MACROD2: variants seen among roughly 807,000 people sequenced by gnomAD.
MACROD2 encodes ADP-ribose glycohydrolase MACROD2.
Under a neutral mutation model 70.4 loss-of-function variants are expected in MACROD2, and 36 were observed. The observed-to-expected ratio is 0.51, with a 90% CI of 0.39 to 0.68. The LOEUF is 0.68. Ranked by LOEUF, MACROD2 falls within the 30% of genes least tolerant of loss-of-function variation. The probability of loss-of-function intolerance (pLI) is 0.00; values close to 1 mark genes in which losing one functional copy is unlikely to be tolerated. For synonymous variants in MACROD2, 172 were observed against 178.8 expected (o/e 0.96, Z 0.30); for missense variants, 496 against 538.4 (o/e 0.92, Z 0.78).
At chr20:15,425,778 T>G (rs1203974139) in intron 6 of MACROD2, among the ~76,000 whole-genome samples, 1 of 152,144 alleles carries the variant, frequency 6.6e-6, no homozygotes, top group Admixed American at 6.5e-5. Context: ...GACTGCTGTG[T>G]AAAAGTGGAT....
chr20:15,028,676 T>A (rs2075251691), intron 5 of MACROD2, among the ~76,000 whole-genome samples: 1 of 152,008 alleles, frequency 6.6e-6, no homozygotes, highest in Non-Finnish European at 1.5e-5. Context: ...CAAGGGAAGG[T>A]CTTACAGAGG....
At chr20:14,717,262 C>T (rs887270193) in intron 5 of MACROD2, among the ~76,000 whole-genome samples, 3 of 152,128 alleles carry the variant, frequency 2.0e-5, no homozygotes, top group African/African-American at 7.2e-5. Flanking sequence ...GCATAATTGA[C>T]AAGTTCGTTT....
chr20:15,643,459 C>G (rs1166721268), intron 8 of MACROD2, among the ~76,000 whole-genome samples: 2 of 152,146 alleles, frequency 1.3e-5, no homozygotes, highest in African/African-American at 2.4e-5. Context: ...CAGCATAACC[C>G]CATTTAATTT....
Position 14,493,582 on chromosome 20 carries a change from T to C in MACROD2, c.301+74T>C, listed in dbSNP as rs945905781. 6 of 1,231,578 alleles carry C rather than the reference T, an allele frequency of 4.9e-6. No homozygotes were observed. In the Admixed American group the frequency reaches 7.4e-5, roughly 15 times the overall value. The allele number at this position is 1,231,578 out of a possible 1,614,324, so 76.3% of individuals were successfully genotyped here. ...CAACTACAAGATATTTAGTAAGTTC[T>C]GTGACACTTAAAAGAAAATTAATTT... On this transcript the variant is annotated intron_variant, in intron 4 of 17. Coordinates refer to ENST00000684519, the MANE Select transcript of MACROD2 (RefSeq NM_001351661.2).
intron 4 of MACROD2, among the ~76,000 whole-genome samples, chr20:14,667,620 C>T (rs1024613617): frequency 1.3e-5 from 2 of 152,152 alleles, no homozygotes; most frequent in African/African-American, 2.4e-5. Context: ...TTTAACTTCA[C>T]ACACAAGCAT....
At chr20:15,722,634 G>A (rs991470301) in intron 8 of MACROD2, among the ~76,000 whole-genome samples, 7 of 151,698 alleles carry the variant, frequency 4.6e-5, no homozygotes, top group Non-Finnish European at 1.0e-4. Flanking sequence ...ACTTTGCCAG[G>A]TATATGTGTT....
intron 3 of MACROD2, among the ~76,000 whole-genome samples, chr20:14,471,215 G>C (rs977163538): frequency 6.6e-6 from 1 of 151,950 alleles, no homozygotes; most frequent in Non-Finnish European, 1.5e-5. Flanking sequence ...ATGAGGCAAC[G>C]CTCCACCCTG....
intron 5 of MACROD2, among the ~76,000 whole-genome samples, chr20:14,829,210 A>G (rs1362084279): frequency 2.0e-5 from 3 of 149,188 alleles, no homozygotes; most frequent in East Asian, 2.0e-4. Context: ...CCTCACTGCA[A>G]TCTTCGCCTC....
intron 10 of MACROD2, among the ~76,000 whole-genome samples, chr20:15,902,598 A>C (rs1394143877): frequency 6.6e-6 from 1 of 152,146 alleles, no homozygotes; most frequent in Non-Finnish European, 1.5e-5. Context: ...AGTTTAGGTC[A>C]CAAAAGATGG....
intron 4 of MACROD2, among the ~76,000 whole-genome samples, chr20:14,597,941 G>A (rs924536201): frequency 6.6e-6 from 1 of 151,972 alleles, no homozygotes; most frequent in Non-Finnish European, 1.5e-5. Flanking sequence ...TTGTACTATG[G>A]CTCTTTGTTC....
In MACROD2 at chr20:14,615,651, A is replaced by G. The variant is rs145010319; in HGVS notation, c.302-69192A>G. The stretch of plus-strand genomic sequence containing the variant: ...GAAGCTCAGGCTAAGCAGCTTAGGC[A>G]TAATTTGGTTGACTTTCAGGAGCAG... On this transcript the variant is annotated intron_variant, in intron 4 of 17. Coordinates refer to ENST00000684519, the MANE Select transcript of MACROD2 (RefSeq NM_001351661.2). 1.2e-3 allele frequency among the ~76,000 whole-genome samples: 180 copies of G among 152,246 alleles called. 1 individual carries two copies. The highest frequency in any genetic ancestry group is 4.1e-3 in the African/African-American group (169 of 41,554).
At chr20:14,078,639 G>A (rs777276465) in intron 2 of MACROD2, among the ~76,000 whole-genome samples, 345 of 150,894 alleles carry the variant, frequency 2.3e-3, no homozygotes, top group Non-Finnish European at 3.2e-3. Context: ...AACTCCTGAC[G>A]TCAGGTGATC....
chr20:14,611,283 C>T (rs1159225036), intron 4 of MACROD2, among the ~76,000 whole-genome samples: 3 of 151,922 alleles, frequency 2.0e-5, no homozygotes, highest in African/African-American at 4.8e-5. Context: ...GTGCTAGTTT[C>T]CCAGATGTGA....
At chr20:15,332,821 G>C (rs992357123) in intron 6 of MACROD2, among the ~76,000 whole-genome samples, 1 of 151,600 alleles carries the variant, frequency 6.6e-6, no homozygotes, top group African/African-American at 2.4e-5. Flanking sequence ...TAGAAGCTGA[G>C]ACCACAGATT....
chr20:14,245,560 C>T (rs1456992336), intron 3 of MACROD2, among the ~76,000 whole-genome samples: 1 of 152,084 alleles, frequency 6.6e-6, no homozygotes, highest in Non-Finnish European at 1.5e-5. Context: ...CTGAGGAACT[C>T]CCAATCCATT....
At chr20:15,481,381 G>C (rs1180289082) in intron 7 of MACROD2, among the ~76,000 whole-genome samples, 1 of 152,186 alleles carries the variant, frequency 6.6e-6, no homozygotes, top group Non-Finnish European at 1.5e-5. Flanking sequence ...GCAGAGGCTG[G>C]CCAAATTTCC....
chr20:15,296,997 C>T (rs775497587), intron 6 of MACROD2, among the ~76,000 whole-genome samples: 2 of 152,176 alleles, frequency 1.3e-5, no homozygotes, highest in Non-Finnish European at 1.5e-5. Context: ...GTTTGGCCTT[C>T]ATTTCCCTGG....
chr20:14,979,387 T>C (rs183294226), intron 5 of MACROD2, among the ~76,000 whole-genome samples: 25 of 152,334 alleles, frequency 1.6e-4, no homozygotes, highest in African/African-American at 6.0e-4. Context: ...GTGAGGCATG[T>C]ACTTCCATTG....
intron 3 of MACROD2, 120 bp downstream of exon 3, chr20:14,085,848 T>C: frequency 1.9e-6 from 1 of 539,802 alleles, no homozygotes; most frequent in Non-Finnish European, 3.1e-6. Context: ...ATGTCTATTC[T>C]GTTTCTCTTC....
Sources: gnomAD v4.1 joint callset for allele counts (sites outside exome capture counted in the v4.1 genomes callset) on GRCh38, gnomAD v4.1.1 for gene constraint, MANE v1.5 for transcripts, NCBI Gene and HGNC (gene_info 2026-07-23, HGNC 2026-07-21) for gene names.